Variants in MAGI1 observed in about 807,000 individuals in gnomAD.
The protein encoded by MAGI1 is membrane associated guanylate kinase, WW and PDZ domain containing 1.
A neutral mutation model predicts 139.9 loss-of-function variants in MAGI1; 58 were observed. That is an observed-to-expected ratio of 0.41 (90% CI 0.34 to 0.52). The LOEUF (loss-of-function observed/expected upper bound fraction) is 0.52. Ranked by LOEUF, MAGI1 falls within the 20% of genes least tolerant of loss-of-function variation. MAGI1 has a pLI of 0.12. For synonymous variants in MAGI1, 812 were observed against 737.9 expected, an observed-to-expected ratio of 1.10 and a Z score of -1.63; for missense variants, 1,874 against 1,901.6, an observed-to-expected ratio of 0.99 and a Z score of 0.27.
chr3:65,859,880 G>T (rs1472367672), intron 1 of MAGI1, among the ~76,000 whole-genome samples: 2 of 113,092 alleles, frequency 1.8e-5, no homozygotes, highest in Non-Finnish European at 3.6e-5. Flanking sequence ...AACCAATCAG[G>T]TGTTTTTTTG....
chr3:65,972,925 G>C (rs1366826988), intron 1 of MAGI1, among the ~76,000 whole-genome samples: 1 of 152,090 alleles, frequency 6.6e-6, no homozygotes. Context: ...ATCAAGTCTT[G>C]TTCTCCCAAC....
intron 1 of MAGI1, among the ~76,000 whole-genome samples, chr3:65,995,257 A>G (rs1045246780): frequency 2.0e-5 from 3 of 152,210 alleles, no homozygotes; most frequent in Non-Finnish European, 4.4e-5. Flanking sequence ...AAACATAAAT[A>G]ACAAATGCAA....
intron 2 of MAGI1, among the ~76,000 whole-genome samples, chr3:65,523,925 C>G (rs777790918): frequency 6.6e-6 from 1 of 152,134 alleles, no homozygotes; most frequent in Non-Finnish European, 1.5e-5. Flanking sequence ...TTACTGCTGT[C>G]ACCAACAGAA....
At chr3:65,502,337 A>C (rs1361582810) in intron 2 of MAGI1, among the ~76,000 whole-genome samples, 1 of 152,240 alleles carries the variant, frequency 6.6e-6, no homozygotes, top group Admixed American at 6.5e-5. Flanking sequence ...AAGGGGATTG[A>C]CAAACATTAG....
chr3:65,786,880 A>G (rs965855248), intron 1 of MAGI1, among the ~76,000 whole-genome samples: 3 of 151,966 alleles, frequency 2.0e-5, no homozygotes, highest in East Asian at 1.9e-4. Flanking sequence ...CTCCCAAAGT[A>G]CTGGGATTAC....
Position 65,935,936 on chromosome 3 carries a change from C to T in MAGI1, c.313+102060G>A, listed in dbSNP as rs142399802. Among the ~76,000 whole-genome samples, 31 of 152,352 alleles carry T rather than the reference C, an allele frequency of 2.0e-4. No homozygotes were observed. In the East Asian group the frequency reaches 5.6e-3, roughly 28 times the overall value. On this transcript the variant is annotated intron_variant, in intron 1 of 22. Transcript: ENST00000402939. Reference sequence around the variant, plus strand: ...CAGAACTTCCAGCTCAACCACCACCCAGGTGAACTCGGCAGATGAGTAAGC... The same window carrying T: ...CAGAACTTCCAGCTCAACCACCACCTAGGTGAACTCGGCAGATGAGTAAGC...
intron 14 of MAGI1, among the ~76,000 whole-genome samples, chr3:65,390,381 T>C (rs569376379): frequency 6.6e-6 from 1 of 152,126 alleles, no homozygotes; most frequent in Admixed American, 6.5e-5. Flanking sequence ...TAAGAAAACA[T>C]CAGAAAACAG....
At chr3:65,674,056 C>T (rs530291640) in intron 1 of MAGI1, among the ~76,000 whole-genome samples, 29 of 152,234 alleles carry the variant, frequency 1.9e-4, no homozygotes, top group African/African-American at 6.3e-4. Context: ...CTGGGGAACA[C>T]AGCGAGACTC....
intron 5 of MAGI1, among the ~76,000 whole-genome samples, chr3:65,457,944 A>AC (rs1422380988): frequency 6.6e-6 from 1 of 151,930 alleles, no homozygotes; most frequent in African/African-American, 2.4e-5. Context: ...TCCCCTTACC[A>AC]CCACTCCACC....
chr3:65,768,801 T>C (rs975413671), intron 1 of MAGI1, among the ~76,000 whole-genome samples: 1 of 152,208 alleles, frequency 6.6e-6, no homozygotes, highest in Non-Finnish European at 1.5e-5. Flanking sequence ...TACAGTGGCA[T>C]TACTTTAAAG....
At chr3:65,518,177 A>G (rs1305091223) in intron 2 of MAGI1, among the ~76,000 whole-genome samples, 1 of 152,122 alleles carries the variant, frequency 6.6e-6, no homozygotes, top group Non-Finnish European at 1.5e-5. Context: ...TTCAGCCTAA[A>G]GACTATCTTA....
intron 1 of MAGI1, among the ~76,000 whole-genome samples, chr3:65,944,174 T>C (rs759717761): frequency 7.9e-5 from 12 of 152,200 alleles, no homozygotes; most frequent in Non-Finnish European, 1.3e-4. Context: ...TGGATTATTT[T>C]TCCCTTAAAA....
chr3:65,518,901 G>A lies in MAGI1; in HGVS notation c.431-25270C>T, dbSNP rs1576156437. ...ACGTGAGGGAGAAAAAGCAGAATAA[G>A]AGTGGTAGGAAATTTTCAATGGTAG... On this transcript the variant is annotated intron_variant, in intron 2 of 22. Coordinates refer to ENST00000402939, the MANE Select transcript of MAGI1 (RefSeq NM_001033057.2). Among the ~76,000 whole-genome samples, 4 of 152,294 alleles carry A rather than the reference G, an allele frequency of 2.6e-5. No homozygotes were observed. In the South Asian group the frequency reaches 8.3e-4, roughly 32 times the overall value.
chr3:65,859,515 G>C (rs1472258498), intron 1 of MAGI1, among the ~76,000 whole-genome samples: 1 of 152,078 alleles, frequency 6.6e-6, no homozygotes. Context: ...GATCACCTGA[G>C]GCCAGGAGTT....
chr3:65,752,561 C>T (rs958120732), intron 1 of MAGI1, among the ~76,000 whole-genome samples: 10 of 152,162 alleles, frequency 6.6e-5, no homozygotes, highest in Non-Finnish European at 1.0e-4. Flanking sequence ...AATTTCTAAG[C>T]ATACAGAAGC....
At chr3:65,910,926 T>C (rs1194132534) in intron 1 of MAGI1, among the ~76,000 whole-genome samples, 1 of 136,578 alleles carries the variant, frequency 7.3e-6, no homozygotes, top group East Asian at 2.4e-4. Context: ...GGCATGATCT[T>C]GGCTCAATGC....
chr3:65,805,241 A>T (rs2040776398), intron 1 of MAGI1, among the ~76,000 whole-genome samples: 1 of 152,220 alleles, frequency 6.6e-6, no homozygotes, highest in Admixed American at 6.5e-5. Flanking sequence ...CAAATTTACA[A>T]GAAAAAACAA....
At chr3:65,616,293 G>A (rs1057215604) in intron 2 of MAGI1, among the ~76,000 whole-genome samples, 3 of 152,056 alleles carry the variant, frequency 2.0e-5, no homozygotes, top group Non-Finnish European at 4.4e-5. Context: ...AGGGCACATG[G>A]GAAAATACAG....
At chr3:65,730,679 G>A (rs536482372) in intron 1 of MAGI1, among the ~76,000 whole-genome samples, 1 of 152,324 alleles carries the variant, frequency 6.6e-6, no homozygotes, top group South Asian at 2.1e-4. Flanking sequence ...CAGTTAGCGG[G>A]AACAGGGAGA....
Sources: gnomAD v4.1 joint callset for allele counts (sites outside exome capture counted in the v4.1 genomes callset) on GRCh38, gnomAD v4.1.1 for gene constraint, MANE v1.5 for transcripts, NCBI Gene and HGNC (gene_info 2026-07-23, HGNC 2026-07-21) for gene names.